KTN1: variants seen among roughly 807,000 people sequenced by gnomAD.
KTN1 encodes kinectin 1.
In KTN1, 130 loss-of-function variants were observed where a neutral mutation model predicts 222.5. The ratio of observed to expected loss-of-function variants is 0.58; its 90% CI spans 0.51 to 0.68. The LOEUF is 0.68. KTN1 is among the 30% of genes least tolerant of loss of function. The pLI is 0.00. For missense variants in KTN1, 1,508 were observed against 1,500.4 expected, an observed-to-expected ratio of 1.01 and a Z score of -0.08; for synonymous variants, 512 against 496.3, an observed-to-expected ratio of 1.03 and a Z score of -0.42.
chr14:55,641,243 G>A (rs2041770182), intron 17 of KTN1, 35 bp downstream of exon 17: 2 of 1,220,250 alleles, frequency 1.6e-6, no homozygotes, highest in Non-Finnish European at 2.3e-6. Flanking sequence ...AGGTTTCTTA[G>A]AACAACCTTG....
At chr14:55,589,774 T>A (rs1001564800) in intron 1 of KTN1, among the ~76,000 whole-genome samples, 1 of 149,562 alleles carries the variant, frequency 6.7e-6, no homozygotes, top group South Asian at 2.2e-4. Flanking sequence ...TTCTCCTGCC[T>A]CAACCTCTTG....
intron 17 of KTN1, 125 bp from the exon 18 acceptor site, chr14:55,641,566 TA>T: frequency 1.4e-6 from 1 of 730,256 alleles, no homozygotes; most frequent in Non-Finnish European, 2.5e-6. Context: ...TGTCAGTGTA[TA>T]ATTCACCTGT....
In KTN1 at chr14:55,656,056, A is replaced by G; in HGVS notation, c.2816A>G (p.Glu939Gly). Reference sequence around the variant, plus strand: ...AAAAATTCTAGGTTGAAAGAAAAGGAAAATGAATTGAAGAGGTTAGAAGCC... The same window carrying G: ...AAAAATTCTAGGTTGAAAGAAAAGGGAAATGAATTGAAGAGGTTAGAAGCC... ...EELEIVLKEK[E>G]NELKRLEAML... The change falls in exon 29 of 44, where the codon GAA becomes GGA. Residue 939 changes from glutamate to glycine, a missense_variant. Glu to Gly is a moderately conservative substitution (Grantham distance 98, BLOSUM62 -2). Transcript: ENST00000395314. 1 of 1,600,578 alleles carries G rather than the reference A, an allele frequency of 6.2e-7. No homozygotes were observed. Among genetic ancestry groups the G allele is most frequent in the Non-Finnish European group, 8.5e-7 (1 of 1,172,554 alleles).
chr14:55,648,198 C>T, intron 20 of KTN1, 83 bp downstream of exon 20: 1 of 642,264 alleles, frequency 1.6e-6, no homozygotes, highest in Admixed American at 3.3e-5. Flanking sequence ...AAGGTTTTTC[C>T]CATAGATCTT....
At chr14:55,594,621 C>A (rs2034717562) in intron 1 of KTN1, among the ~76,000 whole-genome samples, 2 of 150,346 alleles carry the variant, frequency 1.3e-5, no homozygotes, top group Non-Finnish European at 3.0e-5. Context: ...TTCTTGAAAA[C>A]CCTGCTGCTA....
intron 1 of KTN1, among the ~76,000 whole-genome samples, chr14:55,583,147 A>C (rs1388357541): frequency 2.0e-5 from 3 of 152,218 alleles, no homozygotes; most frequent in Non-Finnish European, 4.4e-5. Flanking sequence ...CTGTGAACTA[A>C]GGGGTTTAAT....
chr14:55,657,791 G>A (rs1267510583), intron 29 of KTN1, among the ~76,000 whole-genome samples: 3 of 152,184 alleles, frequency 2.0e-5, no homozygotes, highest in East Asian at 3.9e-4. Context: ...GCAGGTGCCT[G>A]TAGTCCCAGA....
chr14:55,599,177 G>GT (rs1004388394), intron 1 of KTN1, among the ~76,000 whole-genome samples: 111 of 151,978 alleles, frequency 7.3e-4, no homozygotes, highest in Non-Finnish European at 1.2e-3. Context: ...TAATTTTTCT[G>GT]TTTTTTTATG....
chr14:55,637,422 G>A (rs1446217272), intron 11 of KTN1, 58 bp downstream of exon 11: 2 of 1,212,374 alleles, frequency 1.6e-6, no homozygotes, highest in Non-Finnish European at 1.1e-6. Flanking sequence ...TATTAGATCT[G>A]TGTGTCTAGA....
chr14:55,653,784 T>C (rs2043178243), intron 28 of KTN1, among the ~76,000 whole-genome samples, 188 bp downstream of exon 28: 1 of 152,206 alleles, frequency 6.6e-6, no homozygotes, highest in African/African-American at 2.4e-5. Flanking sequence ...TGCTTTCAGA[T>C]ACCTGGAGAC....
At chr14:55,622,886 CCT>C (rs746465027) in intron 5 of KTN1, among the ~76,000 whole-genome samples, 1 of 152,174 alleles carries the variant, frequency 6.6e-6, no homozygotes, top group South Asian at 2.1e-4. Flanking sequence ...CTATGTCCTG[CCT>C]CTCTCTGCAG....
chr14:55,667,510 C>T (rs184793793), intron 34 of KTN1, 180 bp downstream of exon 34: 43 of 395,882 alleles, frequency 1.1e-4, no homozygotes, highest in Admixed American at 1.8e-4. Context: ...TTTCTATTTA[C>T]CTGATACTAT....
In KTN1 at chr14:55,641,744, C is replaced by A; in HGVS notation, c.2156C>A (p.Thr719Asn). ...ALKSEVQKLQ[T>N]LVSEQPNKDV... ...AAATCAGAAGTTCAGAAGCTACAGACTCTTGTTTCTGAACAGGTAAGGCTT... is the reference window on the plus strand; with the variant it reads ...AAATCAGAAGTTCAGAAGCTACAGAATCTTGTTTCTGAACAGGTAAGGCTT... Residue 719 changes from threonine (T) to asparagine (N), a missense_variant, in exon 18 of 44, where the codon ACT becomes AAT. Physicochemically the swap from Thr to Asn is moderately conservative, Grantham distance 65. Coordinates refer to ENST00000395314, the MANE Select transcript of KTN1 (RefSeq NM_001079521.2). The A allele has an allele frequency of 6.3e-7, 1 of 1,594,770 alleles. No individual in the cohort carries two copies. Among genetic ancestry groups the A allele is most frequent in the Non-Finnish European group, 8.6e-7 (1 of 1,162,604 alleles).
At chr14:55,668,066 T>C (rs2045029631) in intron 34 of KTN1, 1 of 152,088 alleles carries the variant, frequency 6.6e-6, no homozygotes, top group African/African-American at 2.4e-5. Context: ...TAGATTATTT[T>C]GAAGGAACTC....
chr14:55,662,936 G>T (rs78627252), intron 32 of KTN1: 1 of 456,028 alleles, frequency 2.2e-6, no homozygotes. Context: ...CAGCAGCAGC[G>T]CTGGAGACAT....
chr14:55,649,633 T>C (rs2042740268), intron 21 of KTN1, 143 bp from the exon 22 acceptor site: 4 of 580,184 alleles, frequency 6.9e-6, no homozygotes, highest in African/African-American at 4.0e-5. Context: ...TATTATGACA[T>C]TAAAAAAGTC....
At chr14:55,675,962 T>G (rs1388907142) in intron 41 of KTN1, 44 bp downstream of exon 41, 1 of 1,352,192 alleles carries the variant, frequency 7.4e-7, no homozygotes, top group Admixed American at 1.8e-5. Flanking sequence ...TGAGCCTGTG[T>G]TGTGTGTTCA....
chr14:55,656,975 T>C (rs1320071415), intron 29 of KTN1, among the ~76,000 whole-genome samples: 1 of 152,206 alleles, frequency 6.6e-6, no homozygotes, highest in Non-Finnish European at 1.5e-5. Context: ...AAAATCAATA[T>C]CTTACCTTCA....
intron 5 of KTN1, among the ~76,000 whole-genome samples, chr14:55,620,085 C>T (rs1057158605): frequency 6.6e-6 from 1 of 152,182 alleles, no homozygotes; most frequent in Non-Finnish European, 1.5e-5. Flanking sequence ...AAAAGGGCTA[C>T]AGGCCCCATA....
Sources: gnomAD v4.1 joint callset for allele counts (sites outside exome capture counted in the v4.1 genomes callset) on GRCh38, gnomAD v4.1.1 for gene constraint, MANE v1.5 for transcripts, NCBI Gene and HGNC (gene_info 2026-07-23, HGNC 2026-07-21) for gene names.